Variants in GALNT18 observed in about 807,000 individuals in gnomAD.
GALNT18 encodes the protein polypeptide N-acetylgalactosaminyltransferase 18.
GALNT18 carries 44 observed loss-of-function variants against 69.5 expected under a neutral mutation model. The ratio of observed to expected loss-of-function variants is 0.63; its 90% CI spans 0.50 to 0.81. The LOEUF (loss-of-function observed/expected upper bound fraction) is 0.81. Among genes scored for constraint, GALNT18 ranks in the 40% least tolerant of loss-of-function variants. The probability of loss-of-function intolerance (pLI) is 0.00; values close to 1 mark genes in which losing one functional copy is unlikely to be tolerated. For missense variants in GALNT18, 715 were observed against 810.0 expected (o/e 0.88, Z 1.42); for synonymous variants, 364 against 318.2 (o/e 1.14, Z -1.53).
intron 10 of GALNT18, among the ~76,000 whole-genome samples, chr11:11,273,911 T>C (rs562596009): frequency 6.6e-6 from 1 of 152,258 alleles, no homozygotes; most frequent in East Asian, 1.9e-4. Flanking sequence ...TGAATAGGAA[T>C]AGCTCCGGTC....
chr11:11,466,562 G>T (rs558950385), intron 1 of GALNT18, among the ~76,000 whole-genome samples: 1 of 152,338 alleles, frequency 6.6e-6, no homozygotes, highest in African/African-American at 2.4e-5. Context: ...GGTGAGGGGA[G>T]TCTGAGACCC....
chr11:11,504,675 C>T (rs1316273254), intron 1 of GALNT18, among the ~76,000 whole-genome samples: 1 of 152,064 alleles, frequency 6.6e-6, no homozygotes, highest in Non-Finnish European at 1.5e-5. Flanking sequence ...GGAGGATCAC[C>T]TGAGCCTGGA....
intron 1 of GALNT18, among the ~76,000 whole-genome samples, chr11:11,559,306 A>C (rs1858406866): frequency 6.6e-6 from 1 of 152,100 alleles, no homozygotes; most frequent in African/African-American, 2.4e-5. Context: ...CCAGGTAAAT[A>C]TGTGGGAGTG....
rs1454518318 is a variant in GALNT18 at position 11,397,810 on chromosome 11, T to C, written c.596-18546A>G. Among the ~76,000 whole-genome samples the C allele has an allele frequency of 2.0e-5, 3 of 151,880 alleles. 1 individual carries two copies. Among genetic ancestry groups the C allele is most frequent in the Admixed American group, 2.0e-4 (3 of 15,258 alleles). Reference sequence around the variant, plus strand: ...TTTTTAAAAGGGCATAGAAAGAAAATAGAAAGGAGATTCAAAATTGCAGTT... The same window carrying C: ...TTTTTAAAAGGGCATAGAAAGAAAACAGAAAGGAGATTCAAAATTGCAGTT... On this transcript the variant is annotated intron_variant, in intron 3 of 10. Coordinates refer to ENST00000227756, the MANE Select transcript of GALNT18 (RefSeq NM_198516.3).
rs1859243341 is a variant in GALNT18 at position 11,586,982 on chromosome 11, C to T, written c.235+34377G>A. On this transcript the variant is annotated intron_variant, in intron 1 of 10. Coordinates refer to ENST00000227756, the MANE Select transcript of GALNT18 (RefSeq NM_198516.3). This position sits in a 1 kb window ranked among gnomAD's most constrained non-coding sequence, Gnocchi z 4.1. ...CAGCCTGGGGAACAAGAGTGAAACCCCATCTCCAAATAAATAAATAAATAA... is the reference window on the plus strand; with the variant it reads ...CAGCCTGGGGAACAAGAGTGAAACCTCATCTCCAAATAAATAAATAAATAA... 1.3e-5 allele frequency among the ~76,000 whole-genome samples: 2 copies of T among 150,508 alleles called. No homozygotes were observed. The highest frequency in any genetic ancestry group is 2.1e-4 in the South Asian group (1 of 4,818).
chr11:11,497,370 A>ACACACACC lies in GALNT18; in HGVS notation c.236-48435_236-48434insGGTGTGTG, dbSNP rs1388394076. Among the ~76,000 whole-genome samples, 182 of 134,704 alleles carry ACACACACC rather than the reference A, an allele frequency of 1.4e-3. 2 individuals carry two copies. The Middle Eastern group carries it at 0.029, about 21-fold the overall frequency. The allele number at this position is 134,704 out of a possible 152,430, so 88.4% of individuals were successfully genotyped here. On this transcript the variant is annotated intron_variant, in intron 1 of 10. Coordinates refer to ENST00000227756, the MANE Select transcript of GALNT18 (RefSeq NM_198516.3). The surrounding 1 kb of genome is among the most constrained non-coding windows in gnomAD (Gnocchi z 4.2). The stretch of plus-strand genomic sequence containing the variant: ...CACACACACACACACACACACACAC[A>ACACACACC]CCCCTTAGAATGGGGCTCCTTAAGA...
At chr11:11,456,332 A>G (rs553453810) in intron 1 of GALNT18, among the ~76,000 whole-genome samples, 38 of 152,304 alleles carry the variant, frequency 2.5e-4, no homozygotes, top group African/African-American at 8.7e-4. Context: ...CCTACCTGCA[A>G]ATTATGCACC....
intron 1 of GALNT18, among the ~76,000 whole-genome samples, chr11:11,571,931 T>C (rs1858802319): frequency 6.6e-6 from 1 of 152,176 alleles, no homozygotes; most frequent in African/African-American, 2.4e-5. Context: ...GGAAACACAG[T>C]GAGCTGTATG....
intron 1 of GALNT18, among the ~76,000 whole-genome samples, chr11:11,536,076 G>C (rs60200789): frequency 0.041 from 6,309 of 152,202 alleles, 446 homozygotes; most frequent in African/African-American, 0.14. Context: ...TTCAACCTAG[G>C]TTCTCTCTCC....
intron 9 of GALNT18, among the ~76,000 whole-genome samples, chr11:11,324,618 A>G (rs935981520): frequency 6.6e-6 from 1 of 152,016 alleles, no homozygotes; most frequent in African/African-American, 2.4e-5. Context: ...GTAAGGTGGT[A>G]TCTCATTGTT....
intron 1 of GALNT18, among the ~76,000 whole-genome samples, chr11:11,547,277 G>C (rs1198107154): frequency 1.3e-5 from 2 of 152,126 alleles, no homozygotes; most frequent in African/African-American, 2.4e-5. Context: ...CTTTCCTGAA[G>C]GCTGGAGTGA....
Position 11,453,223 on chromosome 11 carries a change from C to T in GALNT18, c.236-4287G>A, listed in dbSNP as rs533817095. Among the ~76,000 whole-genome samples, 246 of 152,290 alleles carry T rather than the reference C, an allele frequency of 1.6e-3. 2 individuals are homozygous for T. In the South Asian group the frequency reaches 0.027, roughly 16 times the overall value. ...CCCCAAGTACGGCCTGAGGAGACCC[C>T]TGGGCCAGGGGAAACATTACCATGC... On this transcript the variant is annotated intron_variant, in intron 1 of 10. Transcript: ENST00000227756.
rs1380301494 is a variant in GALNT18 at position 11,444,238 on chromosome 11, T to G, written c.428+4506A>C. Among the ~76,000 whole-genome samples the G allele has an allele frequency of 6.6e-6, 1 of 150,644 alleles. No homozygotes were observed. The highest frequency in any genetic ancestry group is 6.6e-5 in the Admixed American group (1 of 15,118). On this transcript the variant is annotated intron_variant, in intron 2 of 10. Transcript: ENST00000227756. The surrounding 1 kb of genome is among the most constrained non-coding windows in gnomAD (Gnocchi z 4.4). ...CGCCTCCCTGCCACAGAGAGGTGCC[T>G]TGCAGATGCCACCCTCCAGGCCCTG...
chr11:11,284,716 G>A (rs533825206), intron 10 of GALNT18, among the ~76,000 whole-genome samples: 2 of 152,006 alleles, frequency 1.3e-5, no homozygotes, highest in Non-Finnish European at 2.9e-5. Flanking sequence ...GTGGGTCTTT[G>A]GCTTTAAGCA....
At chr11:11,568,540 C>T (rs7101707) in intron 1 of GALNT18, among the ~76,000 whole-genome samples, 122,882 of 152,128 alleles carry the variant, frequency 0.81, 49,680 homozygotes, top group East Asian at 0.88. Flanking sequence ...GTTTCAGCAA[C>T]GCCACTGGAG....
At position 11,340,897 on chromosome 11, in the gene GALNT18, C is replaced by T. The variant is rs1241981662; in HGVS notation, c.1200G>A (p.Arg400=). Reference sequence around the variant, plus strand: ...AGACTTCAGCCACCCTGAGAGCGTTCCTGCGGACATGGGCGGTGAGGTCCT... The same window carrying T: ...AGACTTCAGCCACCCTGAGAGCGTTTCTGCGGACATGGGCGGTGAGGTCCT... The part of the protein sequence containing the change: ...YTEDLTAHVR[R]NALRVAEVWM... Residue 400 remains arginine, a synonymous_variant, in exon 7 of 11, where the codon AGG becomes AGA. Coordinates refer to ENST00000227756, the MANE Select transcript of GALNT18 (RefSeq NM_198516.3). The surrounding 1 kb of genome is among the most constrained non-coding windows in gnomAD (Gnocchi z 4.2). 1.2e-6 allele frequency: 2 copies of T among 1,613,984 alleles called. No homozygotes were observed. Among genetic ancestry groups the T allele is most frequent in the South Asian group, 1.1e-5 (1 of 91,054 alleles).
rs77021601 is a variant in GALNT18 at position 11,562,552 on chromosome 11, T to C, written c.235+58807A>G. Among the ~76,000 whole-genome samples, 1,784 of 151,620 alleles carry C rather than the reference T, an allele frequency of 0.012. 28 individuals carry two copies. The highest frequency in any genetic ancestry group is 0.038 in the African/African-American group (1,572 of 41,258). On this transcript the variant is annotated intron_variant, in intron 1 of 10. Coordinates refer to ENST00000227756, the MANE Select transcript of GALNT18 (RefSeq NM_198516.3). This position sits in a 1 kb window ranked among gnomAD's most constrained non-coding sequence, Gnocchi z 4.1. ...GTACACAGAACTGGGGCTTCAGGAG[T>C]TGTCCTAGCAACACCCACCACCATC... is the stretch of plus-strand genomic sequence containing the variant.
intron 1 of GALNT18, among the ~76,000 whole-genome samples, chr11:11,492,273 G>A (rs1049200227): frequency 1.3e-5 from 2 of 152,184 alleles, no homozygotes; most frequent in Non-Finnish European, 1.5e-5. Context: ...GGAGACACCA[G>A]GTGCTGCCCT....
At position 11,507,965 on chromosome 11, in the gene GALNT18, T is replaced by C. The variant is rs185694092; in HGVS notation, c.236-59029A>G. 4.2e-3 allele frequency among the ~76,000 whole-genome samples: 646 copies of C among 152,346 alleles called. 4 individuals carry two copies. Among genetic ancestry groups the C allele is most frequent in the African/African-American group, 0.015 (627 of 41,586 alleles). On this transcript the variant is annotated intron_variant, in intron 1 of 10. Coordinates refer to ENST00000227756, the MANE Select transcript of GALNT18 (RefSeq NM_198516.3). Reference sequence around the variant, plus strand: ...CCAAGTTCTACCTTCGACCACAGACTGAAGGCTGCACTGTTAGCTTCTCTA... The same window carrying C: ...CCAAGTTCTACCTTCGACCACAGACCGAAGGCTGCACTGTTAGCTTCTCTA...
Sources: allele counts gnomAD v4.1 joint callset (sites outside exome capture counted in the v4.1 genomes callset), GRCh38; gene constraint gnomAD v4.1.1; non-coding constraint Gnocchi (gnomAD v3.1); transcripts MANE v1.5; gene names NCBI Gene and HGNC (gene_info 2026-07-23, HGNC 2026-07-21).